MMP28: variants seen among roughly 807,000 people sequenced by gnomAD.
MMP28 encodes matrix metallopeptidase 28, also known as matrix metalloproteinase-28.
In MMP28, 55 loss-of-function variants were observed where a neutral mutation model predicts 60.5. The observed-to-expected ratio is 0.91, with a 90% CI of 0.73 to 1.14. The LOEUF is 1.14. Among genes scored for constraint, MMP28 ranks in the 50% most tolerant of loss-of-function variants. The pLI is 0.00. For missense variants in MMP28, 686 were observed against 738.3 expected (o/e 0.93, Z 0.82); for synonymous variants, 318 against 312.5 (o/e 1.02, Z -0.18).
chr17:35,763,892 G>T (rs2085874828), downstream of MMP28: 1 of 547,966 alleles, frequency 1.8e-6, no homozygotes. Flanking sequence ...GAGAGACCCT[G>T]TCTCAAAATA....
downstream of MMP28, chr17:35,764,226 G>C (rs1223563632): frequency 4.5e-6 from 7 of 1,544,700 alleles, no homozygotes; most frequent in Non-Finnish European, 6.1e-6. Context: ...CAGGAGTCCA[G>C]CACCCAGCAG....
chr17:35,758,301 A>G (rs1270433831), intron 2 of MMP28: 2 of 152,180 alleles, frequency 1.3e-5, no homozygotes, highest in African/African-American at 4.8e-5. Context: ...CAGACGTCTG[A>G]GTGCAGGAGG....
intron 1 of MMP28, among the ~76,000 whole-genome samples, chr17:35,790,411 G>T (rs2086780550): frequency 6.6e-6 from 1 of 152,090 alleles, no homozygotes; most frequent in Non-Finnish European, 1.5e-5. Context: ...TTATTTTATG[G>T]CCCAGCCTAT....
chr17:35,795,619 G>A lies in MMP28; in HGVS notation c.-242C>T, dbSNP rs1012046694. The A allele has an allele frequency of 2.8e-5, 10 of 359,368 alleles. No homozygotes were observed. Among genetic ancestry groups the A allele is most frequent in the African/African-American group, 1.9e-4 (9 of 47,506 alleles). 22.3% of individuals were successfully genotyped at this position (359,368 alleles called of 1,614,324 possible). The stretch of plus-strand genomic sequence containing the variant: ...GCAGTGCCTGCCCGCGGGTCCGCCG[G>A]CCCCGGGGACCGAGGGAGGGAGGAA... On this transcript the variant is annotated 5_prime_UTR_variant, in exon 1 of 8. Coordinates refer to ENST00000605424, the MANE Select transcript of MMP28 (RefSeq NM_024302.5).
intron 1 of MMP28, among the ~76,000 whole-genome samples, chr17:35,783,500 T>G (rs2143505612): frequency 6.6e-6 from 1 of 152,294 alleles, no homozygotes; most frequent in East Asian, 1.9e-4. Flanking sequence ...ACAGAGGACT[T>G]TCTAAAGGTA....
intron 4 of MMP28, among the ~76,000 whole-genome samples, chr17:35,772,799 G>A (rs1293612182): frequency 6.6e-6 from 1 of 152,170 alleles, no homozygotes; most frequent in African/African-American, 2.4e-5. Context: ...GGGGGTGGGG[G>A]AGCAGTGGTG....
In MMP28 at chr17:35,770,737, T is replaced by TGC. The variant is rs1448191597; in HGVS notation, c.605-426_605-425insGC. Among the ~76,000 whole-genome samples, 453 of 152,154 alleles carry TGC rather than the reference T, an allele frequency of 3.0e-3. 1 individual carries two copies. Among genetic ancestry groups the TGC allele is most frequent in the African/African-American group, 0.01 (426 of 41,468 alleles). ...AAATGTGTGTGTGTGTGTGTGTGTG[T>TGC]GTGTGTGTACATGTGTATTACAAAT... is the stretch of plus-strand genomic sequence containing the variant. On this transcript the variant is annotated intron_variant, in intron 4 of 7. Coordinates refer to ENST00000605424, the MANE Select transcript of MMP28 (RefSeq NM_024302.5).
At chr17:35,785,902 T>G (rs2086633739) in intron 1 of MMP28, among the ~76,000 whole-genome samples, 2 of 152,210 alleles carry the variant, frequency 1.3e-5, no homozygotes. Flanking sequence ...CTGTTTTACC[T>G]TTCTCGCAGG....
At chr17:35,758,698 TAAATA>T (rs587687039) in intron 2 of MMP28, among the ~76,000 whole-genome samples, 4 of 151,812 alleles carry the variant, frequency 2.6e-5, no homozygotes, top group African/African-American at 7.3e-5. Flanking sequence ...TCTCAAAAAA[TAAATA>T]AAATAAAATA....
At chr17:35,781,744 A>G (rs2086509266) in intron 1 of MMP28, among the ~76,000 whole-genome samples, 1 of 152,164 alleles carries the variant, frequency 6.6e-6, no homozygotes, top group African/African-American at 2.4e-5. Flanking sequence ...TCTTCTACCT[A>G]CATAGCCTCA....
chr17:35,759,486 C>T (rs907803734), intron 2 of MMP28, among the ~76,000 whole-genome samples: 3 of 152,074 alleles, frequency 2.0e-5, no homozygotes, highest in Non-Finnish European at 4.4e-5. Context: ...CAGATTACGA[C>T]GTCAGGAGAT....
chr17:35,772,039 C>A (rs1207960939), intron 4 of MMP28, among the ~76,000 whole-genome samples: 3 of 151,970 alleles, frequency 2.0e-5, no homozygotes, highest in African/African-American at 7.3e-5. Flanking sequence ...GGACCCCAGG[C>A]CAACTGTGAC....
At chr17:35,764,112 A>C, downstream of MMP28, 1 of 1,550,246 alleles carries the variant, frequency 6.5e-7, no homozygotes, top group Non-Finnish European at 8.7e-7. Context: ...GAGGACAACC[A>C]GAGGCCGCTG....
rs770434341 is a variant in MMP28 at position 35,770,280 on chromosome 17, G to T, written c.637C>A (p.Arg213Ser). 2.6e-6 allele frequency: 4 copies of T among 1,556,592 alleles called. No homozygotes were observed. Among genetic ancestry groups the T allele is most frequent in the Non-Finnish European group, 3.5e-6 (4 of 1,159,382 alleles). ...TCTTGGTCGAAGTGCGCTTCGCCGCGGCGGGGCAGGAAGGCGTGCGCCAGG... is the reference window on the plus strand; with the variant it reads ...TCTTGGTCGAAGTGCGCTTCGCCGCTGCGGGGCAGGAAGGCGTGCGCCAGG... Reference protein sequence around the residue: ...GALAHAFLPRRGEAHFDQDER... With the variant: ...GALAHAFLPRSGEAHFDQDER... The change falls in exon 5 of 8, where the codon CGC (arginine) becomes AGC (serine). Residue 213 changes from arginine to serine, a missense_variant. Physicochemically the swap from Arg to Ser is moderately radical, Grantham distance 110 (BLOSUM62 -1). Coordinates refer to ENST00000605424, the MANE Select transcript of MMP28 (RefSeq NM_024302.5).
chr17:35,758,886 G>A (rs782564720), intron 2 of MMP28, among the ~76,000 whole-genome samples: 5 of 151,980 alleles, frequency 3.3e-5, no homozygotes, highest in Non-Finnish European at 7.4e-5. Flanking sequence ...GGGGAGGCAG[G>A]ATGAGAAGAA....
At chr17:35,793,080 C>T (rs1461751863) in intron 1 of MMP28, among the ~76,000 whole-genome samples, 1 of 152,174 alleles carries the variant, frequency 6.6e-6, no homozygotes, top group Non-Finnish European at 1.5e-5. Flanking sequence ...TATACACACA[C>T]ACGTGTGCTT....
intron 3 of MMP28, 78 bp downstream of exon 3, chr17:35,778,810 C>T (rs1488679404): frequency 5.0e-6 from 8 of 1,612,568 alleles, no homozygotes; most frequent in East Asian, 2.2e-5. Context: ...AGTCCAGTCC[C>T]AGGCTCAGCT....
chr17:35,762,280 G>A (rs761141293), downstream of MMP28, among the ~76,000 whole-genome samples: 5 of 152,092 alleles, frequency 3.3e-5, no homozygotes, highest in African/African-American at 4.8e-5. Context: ...ATGAGCCACC[G>A]TGCCCCGCCT....
Position 35,768,210 on chromosome 17 carries a change from C to A in MMP28, c.1000+20G>T. On this transcript the variant is annotated intron_variant, in intron 6 of 7. Transcript: ENST00000605424. ...TATGGAAGGAGAGAAAGAAGCAAAG[C>A]ACCAGTGGGACCTTCTTACCTACAG... 1.3e-6 allele frequency: 2 copies of A among 1,583,522 alleles called. No homozygotes were observed. Among genetic ancestry groups the A allele is most frequent in the Middle Eastern group, 1.7e-4 (1 of 5,880 alleles).
Sources: gnomAD v4.1 joint callset for allele counts (sites outside exome capture counted in the v4.1 genomes callset) on GRCh38, gnomAD v4.1.1 for gene constraint, MANE v1.5 for transcripts, NCBI Gene and HGNC (gene_info 2026-07-23, HGNC 2026-07-21) for gene names.